NPM2: variants seen among roughly 807,000 people sequenced by gnomAD.
NPM2 encodes nucleophosmin/nucleoplasmin 2, also known as nucleoplasmin-2.
A neutral mutation model predicts 32.0 loss-of-function variants in NPM2; 25 were observed. The ratio of observed to expected loss-of-function variants is 0.78; its 90% CI spans 0.57 to 1.09. The LOEUF is 1.09. NPM2 is among the 50% of genes least tolerant of loss of function. NPM2 has a pLI of 0.00. For missense variants in NPM2, 282 were observed against 259.9 expected, an observed-to-expected ratio of 1.08 and a Z score of -0.58; for synonymous variants, 111 against 94.2, an observed-to-expected ratio of 1.18 and a Z score of -1.04.
chr8:22,035,180 A>G (rs548165329), intron 8 of NPM2, among the ~76,000 whole-genome samples: 18 of 152,370 alleles, frequency 1.2e-4, no homozygotes, highest in Non-Finnish European at 2.5e-4. Context: ...ATGTCTACCA[A>G]TATAACAATT....
At chr8:22,025,827 G>A in intron 5 of NPM2, 55 bp downstream of exon 5, 1 of 1,610,526 alleles carries the variant, frequency 6.2e-7, no homozygotes, top group Non-Finnish European at 8.5e-7. Flanking sequence ...CTCACCCTTG[G>A]GTGGGGATGG....
chr8:22,030,855 A>AT (rs901556512), intron 5 of NPM2, among the ~76,000 whole-genome samples: 20 of 152,004 alleles, frequency 1.3e-4, no homozygotes, highest in African/African-American at 4.1e-4. Flanking sequence ...TTTATCTGAT[A>AT]TTTTTTTAGA....
chr8:22,033,082 G>C (rs748927897), intron 5 of NPM2, 48 bp from the exon 6 acceptor site: 1 of 1,410,912 alleles, frequency 7.1e-7, no homozygotes, highest in Non-Finnish European at 1.0e-6. Context: ...GTCCCCGAGA[G>C]GTGCCAGGCC....
At chr8:22,027,417 C>T (rs1800290884) in intron 5 of NPM2, among the ~76,000 whole-genome samples, 1 of 152,160 alleles carries the variant, frequency 6.6e-6, no homozygotes, top group Non-Finnish European at 1.5e-5. Context: ...TTTCTGTAAA[C>T]TCAACCTCTC....
At position 22,025,270 on chromosome 8, in the gene NPM2, A is replaced by G; in HGVS notation, c.22A>G (p.Ser8Gly). The G allele has an allele frequency of 6.2e-7, 1 of 1,611,638 alleles. No individual in the cohort carries two copies. Among genetic ancestry groups the G allele is most frequent in the African/African-American group, 1.3e-5 (1 of 74,938 alleles). The change falls in exon 3 of 10, where the codon AGC becomes GGC. Residue 8 changes from serine to glycine, a missense_variant. By Grantham distance (56) the Ser-to-Gly change is moderately conservative (BLOSUM62 0). Transcript: ENST00000518119. MNLSSAS[S>G]TEEKAVTTVL... The stretch of plus-strand genomic sequence containing the variant: ...AGCCATGAATCTCAGTAGCGCCAGT[A>G]GCACGGAGGAAAAGGCAGTGACGAC...
At chr8:22,032,251 A>C (rs1461402927) in intron 5 of NPM2, among the ~76,000 whole-genome samples, 2 of 152,276 alleles carry the variant, frequency 1.3e-5, no homozygotes, top group Non-Finnish European at 1.5e-5. Flanking sequence ...TAAATACCTT[A>C]CTATCGACTG....
At position 22,025,223 on chromosome 8, in the gene NPM2, G is replaced by T; in HGVS notation, c.-26G>T. 1 of 1,606,444 alleles carries T rather than the reference G, an allele frequency of 6.2e-7. No homozygotes were observed. The highest frequency in any genetic ancestry group is 1.1e-5 in the South Asian group (1 of 89,910). ...CGGGCGCCCTCCTTGCAGCTGCCCG[G>T]CCAGCCCGCTTCTCTGCCCGGAGCC... On this transcript the variant is annotated 5_prime_UTR_variant, in exon 3 of 10. Transcript: ENST00000518119.
At chr8:22,025,568 C>T (rs201578656) in intron 4 of NPM2, 47 bp downstream of exon 4, 2 of 1,613,374 alleles carry the variant, frequency 1.2e-6, no homozygotes, top group Non-Finnish European at 1.7e-6. Flanking sequence ...CGGGAACTTT[C>T]TGGTCCCAAC....
At position 22,036,645 on chromosome 8, in the gene NPM2, C is replaced by A. The variant is rs893211374; in HGVS notation, c.608C>A (p.Ala203Asp). 3 of 1,550,490 alleles carry A rather than the reference C, an allele frequency of 1.9e-6. No individual in the cohort carries two copies. The highest frequency in any genetic ancestry group is 1.7e-6 in the Non-Finnish European group (2 of 1,146,926). ...CCTGCCTTCCCTCCACAGGCCAAAG[C>A]CACAGCCAGAGCCAAGAAGCCAGGA... ...RDKSPVKKAK[A>D]TARAKKPGFK... Residue 203 changes from alanine (A) to aspartate (D), a missense_variant, in exon 10 of 10, where the codon GCC becomes GAC. Coordinates refer to ENST00000518119, the MANE Select transcript of NPM2 (RefSeq NM_001286680.2).
intron 5 of NPM2, among the ~76,000 whole-genome samples, chr8:22,029,979 G>A (rs1379370584): frequency 1.3e-5 from 2 of 152,110 alleles, no homozygotes; most frequent in East Asian, 3.9e-4. Flanking sequence ...TCAGACATGA[G>A]GATCTATGTC....
In NPM2 at chr8:22,034,509, G is replaced by GA. The variant is rs770540772; in HGVS notation, c.539dup (p.Leu181AlafsTer13). The GA allele has an allele frequency of 1.3e-4, 204 of 1,607,096 alleles. No homozygotes were observed. In the Middle Eastern group the frequency reaches 1.3e-3, roughly 10 times the overall value. The stretch of plus-strand genomic sequence containing the variant: ...ATAATACACTGTTTTTTGGTTCCCA[G>GA]AAAAAAAAGCTGGAAAAAGAAGAAG... On this transcript the variant is annotated frameshift_variant and splice_region_variant. Transcript: ENST00000518119. LOFTEE classifies it high-confidence loss of function.
intron 5 of NPM2, among the ~76,000 whole-genome samples, chr8:22,032,442 C>A (rs76939191): frequency 0.02 from 2,988 of 152,228 alleles, 96 homozygotes; most frequent in African/African-American, 0.069. Flanking sequence ...TGGCACATCA[C>A]CTGTCTGATG....
chr8:22,034,341 G>T, intron 7 of NPM2, 66 bp downstream of exon 7: 1 of 1,492,282 alleles, frequency 6.7e-7, no homozygotes, highest in Non-Finnish European at 9.1e-7. Context: ...AAGAGGGGTG[G>T]GCCACCGGGA....
intron 6 of NPM2, among the ~76,000 whole-genome samples, chr8:22,033,722 G>T (rs1430735208): frequency 6.6e-6 from 1 of 152,110 alleles, no homozygotes; most frequent in Admixed American, 6.6e-5. Flanking sequence ...TTAGGATAAG[G>T]TTTCAATTCT....
In NPM2 at chr8:22,024,609, T is replaced by C. The variant is rs1391123695; in HGVS notation, c.-155T>C. ...GGAGTGGGGCGCGGCAATGCGCCCC[T>C]TAACAGCCCTCCAGGTGATTCTGCC... On this transcript the variant is annotated 5_prime_UTR_variant, in exon 1 of 10. Transcript: ENST00000518119. 1 of 152,282 alleles carries C rather than the reference T, an allele frequency of 6.6e-6. No individual in the cohort carries two copies. Among genetic ancestry groups the C allele is most frequent in the Non-Finnish European group, 1.5e-5 (1 of 68,176 alleles). 9.4% of individuals were successfully genotyped at this position (152,282 alleles called of 1,614,324 possible). A position where few individuals can be genotyped will look rare whatever the true frequency, so the allele number is the denominator to read the frequency against.
intron 7 of NPM2, 24 bp downstream of exon 7, chr8:22,034,299 T>G (rs1800546038): frequency 1.3e-6 from 2 of 1,558,152 alleles, no homozygotes; most frequent in South Asian, 2.5e-5. Context: ...CGTGGCTGTT[T>G]GGAAGGAAGT....
At chr8:22,028,862 G>A (rs1563353199) in intron 5 of NPM2, among the ~76,000 whole-genome samples, 1 of 152,120 alleles carries the variant, frequency 6.6e-6, no homozygotes, top group African/African-American at 2.4e-5. Context: ...GGCCAGTATA[G>A]TCTGTATTCA....
intron 8 of NPM2, 115 bp downstream of exon 8, chr8:22,034,659 C>A: frequency 1.2e-6 from 1 of 847,584 alleles, no homozygotes. Flanking sequence ...GTGTGTCTAC[C>A]TGCACTCGCA....
chr8:22,033,833 T>A (rs1311561495), intron 6 of NPM2, among the ~76,000 whole-genome samples: 3 of 152,000 alleles, frequency 2.0e-5, no homozygotes, highest in African/African-American at 4.8e-5. Context: ...TGAATCCCCC[T>A]CCTACCCAGC....
Sources: allele counts gnomAD v4.1 joint callset (sites outside exome capture counted in the v4.1 genomes callset), GRCh38; gene constraint gnomAD v4.1.1; transcripts MANE v1.5; gene names NCBI Gene and HGNC (gene_info 2026-07-23, HGNC 2026-07-21).